The following DZIP1 variants were observed in gnomAD, a reference collection of about 807,000 sequenced individuals.
The protein encoded by DZIP1 is DAZ interacting zinc finger protein 1.
In DZIP1, 97 loss-of-function variants were observed where a neutral mutation model predicts 107.6. That is an observed-to-expected ratio of 0.90 (90% CI 0.77 to 1.07). The LOEUF (loss-of-function observed/expected upper bound fraction) is 1.07. DZIP1 is among the 50% of genes least tolerant of loss of function. The pLI is 0.00. For synonymous variants in DZIP1, 390 were observed against 386.4 expected, an observed-to-expected ratio of 1.01 and a Z score of -0.11; for missense variants, 1,035 against 1,063.6, an observed-to-expected ratio of 0.97 and a Z score of 0.37.
chr13:95,601,903 A>T (rs980969966), intron 14 of DZIP1, among the ~76,000 whole-genome samples: 2 of 151,758 alleles, frequency 1.3e-5, no homozygotes, highest in African/African-American at 2.4e-5. Context: ...TGGTCTGTCC[A>T]CTCTTTCTCC....
At chr13:95,620,170 G>A (rs1234656681) in intron 9 of DZIP1, among the ~76,000 whole-genome samples, 1 of 152,292 alleles carries the variant, frequency 6.6e-6, no homozygotes, top group East Asian at 1.9e-4. Flanking sequence ...CCCCCTTGCT[G>A]TTCTCATGAT....
Position 95,641,770 on chromosome 13 carries a change from G to A in DZIP1, c.122C>T (p.Ala41Val), listed in dbSNP as rs1878538330. 1 of 1,556,588 alleles carries A rather than the reference G, an allele frequency of 6.4e-7. No individual in the cohort carries two copies. The highest frequency in any genetic ancestry group is 1.2e-5 in the South Asian group (1 of 83,732). The stretch of plus-strand genomic sequence containing the variant: ...GCTGGGGGGCGCACAGGCCATGGAG[G>A]CCGCACCCGCGGCGGCGGCGGCCAC... ...VAVAAAAAGAASMACAPPSAA... is the reference protein window; with the variant it reads ...VAVAAAAAGAVSMACAPPSAA... Residue 41 changes from alanine to valine, a missense_variant, in exon 5 of 23, where the codon GCC (alanine) becomes GTC (valine). Ala to Val is a moderately conservative substitution (Grantham distance 64). Transcript: ENST00000376829. The surrounding 1 kb of genome is among the most constrained non-coding windows in gnomAD (Gnocchi z 4.3).
At position 95,641,925 on chromosome 13, in the gene DZIP1, T is replaced by G. The variant is rs964340928; in HGVS notation, c.36+69A>C. 1.1e-5 allele frequency: 15 copies of G among 1,315,128 alleles called. No homozygotes were observed. The highest frequency in any genetic ancestry group is 1.0e-6 in the Non-Finnish European group (1 of 979,630). 81.5% of individuals were successfully genotyped at this position (1,315,128 alleles called of 1,614,324 possible). ...GGCGGGCAGGCTGGGGAGCTGGGGG[T>G]CCGGGGAAGCCCCGGTTCTCCCCAG... On this transcript the variant is annotated intron_variant, in intron 4 of 22. Coordinates refer to ENST00000376829, the MANE Select transcript of DZIP1 (RefSeq NM_198968.4). This position sits in a 1 kb window ranked among gnomAD's most constrained non-coding sequence, Gnocchi z 4.3.
At position 95,642,072 on chromosome 13, in the gene DZIP1, G is replaced by A. The variant is rs770092938; in HGVS notation, c.-43C>T. On this transcript the variant is annotated 5_prime_UTR_variant, in exon 4 of 23. Transcript: ENST00000376829. ...CTTTACCCAGCCTGGGCCGCCTCCC[G>A]GGCCGCCGCCGCCACAGCCCTCAGG... 1 of 1,494,916 alleles carries A rather than the reference G, an allele frequency of 6.7e-7. No homozygotes were observed. The highest frequency in any genetic ancestry group is 1.3e-5 in the South Asian group (1 of 74,718). 92.6% of individuals were successfully genotyped at this position (1,494,916 alleles called of 1,614,324 possible). A position where few individuals can be genotyped will look rare whatever the true frequency, so the allele number is the denominator to read the frequency against.
At chr13:95,603,352 T>C (rs145970524) in intron 14 of DZIP1, among the ~76,000 whole-genome samples, 2 of 146,274 alleles carry the variant, frequency 1.4e-5, no homozygotes, top group East Asian at 4.1e-4. Flanking sequence ...CCAGTTTTTG[T>C]GGTCCTCACT....
Position 95,641,613 on chromosome 13 carries a change from G to C in DZIP1, c.279C>G (p.Ile93Met), listed in dbSNP as rs868536695. 14 of 1,612,640 alleles carry C rather than the reference G, an allele frequency of 8.7e-6. No homozygotes were observed. The highest frequency in any genetic ancestry group is 1.1e-5 in the Non-Finnish European group (13 of 1,180,038). The change falls in exon 5 of 23, where the codon ATC (isoleucine) becomes ATG (methionine). Residue 93 changes from isoleucine (I) to methionine (M), a missense_variant. Transcript: ENST00000376829. This position sits in a 1 kb window ranked among gnomAD's most constrained non-coding sequence, Gnocchi z 4.3. ...AVDVLTLQEN[I>M]MNITFCKLED... is the part of the protein sequence containing the mutation. ...CCAGCTTGCAGAAGGTGATGTTCATGATGTTCTCCTGCAGCGTCAGCACGT... is the reference window on the plus strand; with the variant it reads ...CCAGCTTGCAGAAGGTGATGTTCATCATGTTCTCCTGCAGCGTCAGCACGT...
At position 95,587,802 on chromosome 13, in the gene DZIP1, C is replaced by T. The variant is rs1594643690; in HGVS notation, c.2028-73G>A. The T allele has an allele frequency of 4.8e-6, 7 of 1,462,678 alleles. No homozygotes were observed. In the East Asian group the frequency reaches 1.2e-4, roughly 26 times the overall value. 90.6% of individuals were successfully genotyped at this position (1,462,678 alleles called of 1,614,324 possible). On this transcript the variant is annotated intron_variant, in intron 19 of 22. Coordinates refer to ENST00000376829, the MANE Select transcript of DZIP1 (RefSeq NM_198968.4). ...AGGATTTATAATATTAAGAGATGTG[C>T]CTCTTAAAGTGGTGGCACCTTTCTC...
rs1470002217 is a variant in DZIP1, at chr13:95,611,977, T to C, written c.1314+60A>G. On this transcript the variant is annotated intron_variant, in intron 11 of 22. Coordinates refer to ENST00000376829, the MANE Select transcript of DZIP1 (RefSeq NM_198968.4). ...ACAAATGCTCTAAAGTAAAAACACA[T>C]GTTCTTAGATAGACTGCGTTGCTTA... 5.1e-6 allele frequency: 8 copies of C among 1,567,256 alleles called. No individual in the cohort carries two copies. The African/African-American group carries it at 9.6e-5, about 19-fold the overall frequency.
chr13:95,583,171 A>C (rs1180423588), intron 22 of DZIP1, among the ~76,000 whole-genome samples: 1 of 152,042 alleles, frequency 6.6e-6, no homozygotes, highest in African/African-American at 2.4e-5. Flanking sequence ...TGACACCTGT[A>C]ATCCCAACAG....
Position 95,641,772 on chromosome 13 carries a change from C to T in DZIP1, c.120G>A (p.Ala40=), listed in dbSNP as rs1450644688. ...TGGGGGGCGCACAGGCCATGGAGGC[C>T]GCACCCGCGGCGGCGGCGGCCACAG... The part of the protein sequence containing the change: ...DVAVAAAAAG[A]ASMACAPPSA... Residue 40 remains alanine, a synonymous_variant, in exon 5 of 23, where the codon GCG becomes GCA. Coordinates refer to ENST00000376829, the MANE Select transcript of DZIP1 (RefSeq NM_198968.4). This position sits in a 1 kb window ranked among gnomAD's most constrained non-coding sequence, Gnocchi z 4.3. The T allele has an allele frequency of 6.4e-7, 1 of 1,554,850 alleles. No homozygotes were observed. Among genetic ancestry groups the T allele is most frequent in the African/African-American group, 1.4e-5 (1 of 72,430 alleles).
At chr13:95,584,525 A>G in intron 22 of DZIP1, 1 of 939,006 alleles carries the variant, frequency 1.1e-6, no homozygotes, top group Non-Finnish European at 1.4e-6. Context: ...AAGACTAAAG[A>G]TTAGTCCTAT....
At chr13:95,626,195 A>T (rs1347992738) in intron 7 of DZIP1, among the ~76,000 whole-genome samples, 1 of 152,088 alleles carries the variant, frequency 6.6e-6, no homozygotes, top group Non-Finnish European at 1.5e-5. Flanking sequence ...AAAAAGATGA[A>T]CAAACCAAAC....
chr13:95,641,454 C>T lies in DZIP1; in HGVS notation c.438G>A (p.Glu146=). 5 of 1,614,166 alleles carry T rather than the reference C, an allele frequency of 3.1e-6. No homozygotes were observed. The highest frequency in any genetic ancestry group is 4.2e-6 in the Non-Finnish European group (5 of 1,180,026). Residue 146 remains glutamate, a synonymous_variant, in exon 5 of 23, where the codon GAG becomes GAA. Transcript: ENST00000376829. This position sits in a 1 kb window ranked among gnomAD's most constrained non-coding sequence, Gnocchi z 4.3. ...CGCAGTGGCTCAGGCGCAGCCGCTC[C>T]TCCAGGGTGTGCAGCTGCGAGGTGA... ...EFLTSQLHTL[E]ERLRLSHCDG...
At chr13:95,644,282 A>T (rs1193198434) in intron 1 of DZIP1, 95 bp downstream of exon 1, 6 of 152,380 alleles carry the variant, frequency 3.9e-5, no homozygotes, top group Admixed American at 2.0e-4. Flanking sequence ...CTCGGCTCGC[A>T]GCCTGGAGAG....
At chr13:95,599,685 C>A (rs1403646062) in intron 14 of DZIP1, among the ~76,000 whole-genome samples, 1 of 152,186 alleles carries the variant, frequency 6.6e-6, no homozygotes, top group Non-Finnish European at 1.5e-5. Flanking sequence ...GTTTCTCATT[C>A]ATCAACCTAG....
At chr13:95,587,226 G>A (rs550097946) in intron 20 of DZIP1, among the ~76,000 whole-genome samples, 8 of 152,236 alleles carry the variant, frequency 5.3e-5, no homozygotes, top group South Asian at 2.1e-4. Context: ...AACCAACAGC[G>A]CCAACACCTT....
chr13:95,641,224 G>A lies in DZIP1; in HGVS notation c.597+71C>T, dbSNP rs1328723594. 14 of 1,501,676 alleles carry A rather than the reference G, an allele frequency of 9.3e-6. No individual in the cohort carries two copies. The highest frequency in any genetic ancestry group is 1.2e-5 in the Non-Finnish European group (14 of 1,122,236). The allele number at this position is 1,501,676 out of a possible 1,614,324, so 93.0% of individuals were successfully genotyped here. A position where few individuals can be genotyped will look rare whatever the true frequency, so the allele number is the denominator to read the frequency against. On this transcript the variant is annotated intron_variant, in intron 5 of 22. Transcript: ENST00000376829. This position sits in a 1 kb window ranked among gnomAD's most constrained non-coding sequence, Gnocchi z 4.3. Reference sequence around the variant, plus strand: ...CTTTAAGAAGAAAGAGTGGTGATACGGGACAGGCCTATCAAATGGGAACTG... The same window carrying A: ...CTTTAAGAAGAAAGAGTGGTGATACAGGACAGGCCTATCAAATGGGAACTG...
intron 5 of DZIP1, among the ~76,000 whole-genome samples, chr13:95,634,577 T>C (rs1459642735): frequency 1.3e-5 from 2 of 152,220 alleles, no homozygotes; most frequent in Admixed American, 6.5e-5. Context: ...ACCTCTGTTT[T>C]TCTACTTTTA....
At position 95,641,576 on chromosome 13, in the gene DZIP1, A is replaced by G. The variant is rs768445465; in HGVS notation, c.316T>C (p.Cys106Arg). Residue 106 changes from cysteine to arginine, a missense_variant, in exon 5 of 23, where the codon TGC becomes CGC. Physicochemically the swap from Cys to Arg is radical, Grantham distance 180. Coordinates refer to ENST00000376829, the MANE Select transcript of DZIP1 (RefSeq NM_198968.4). This position sits in a 1 kb window ranked among gnomAD's most constrained non-coding sequence, Gnocchi z 4.3. ...TCCACCCCCGACTGGCAGTGTGGGC[A>G]CTTCTCGTCTTCCAGCTTGCAGAAG... is the stretch of plus-strand genomic sequence containing the variant. The part of the protein sequence containing the change: ...ITFCKLEDEK[C>R]PHCQSGVDPV... 6.2e-7 allele frequency: 1 copy of G among 1,613,700 alleles called. No homozygotes were observed. Among genetic ancestry groups the G allele is most frequent in the Non-Finnish European group, 8.5e-7 (1 of 1,180,034 alleles).
Sources: allele counts gnomAD v4.1 joint callset (sites outside exome capture counted in the v4.1 genomes callset), GRCh38; gene constraint gnomAD v4.1.1; non-coding constraint Gnocchi (gnomAD v3.1); transcripts MANE v1.5; gene names NCBI Gene and HGNC (gene_info 2026-07-23, HGNC 2026-07-21).